Variants in TSPAN18 observed in about 807,000 individuals in gnomAD.
TSPAN18 encodes tetraspanin 18.
TSPAN18 carries 14 observed loss-of-function variants against 27.3 expected under a neutral mutation model. The ratio of observed to expected loss-of-function variants is 0.51; its 90% CI spans 0.34 to 0.80. The LOEUF (loss-of-function observed/expected upper bound fraction) is 0.80, where lower values mean the gene tolerates loss of function less well. Ranked by LOEUF, TSPAN18 falls within the 30% of genes least tolerant of loss-of-function variation. The pLI is 0.01. For synonymous variants in TSPAN18, 143 were observed against 136.5 expected, an observed-to-expected ratio of 1.05 and a Z score of -0.33; for missense variants, 268 against 323.9, an observed-to-expected ratio of 0.83 and a Z score of 1.32.
chr11:44,908,758 G>GAAAGAAAAGAAAGAA (rs1554938001), intron 4 of TSPAN18, among the ~76,000 whole-genome samples: 1 of 61,900 alleles, frequency 1.6e-5, no homozygotes, highest in South Asian at 5.0e-4. Context: ...GAGAGAGAGA[G>GAAAGAAAAGAAAGAA]AGAGAGAAAG....
At chr11:44,918,330 G>A (rs983235549) in intron 6 of TSPAN18, among the ~76,000 whole-genome samples, 2 of 152,114 alleles carry the variant, frequency 1.3e-5, no homozygotes, top group African/African-American at 4.8e-5. Flanking sequence ...GCCTAGTAAC[G>A]GCCCAGTGAT....
chr11:44,840,772 C>A (rs1857357032), intron 2 of TSPAN18, among the ~76,000 whole-genome samples: 1 of 152,180 alleles, frequency 6.6e-6, no homozygotes, highest in South Asian at 2.1e-4. Flanking sequence ...AGAAAAGCAC[C>A]ATCTAGAGAG....
At chr11:44,794,861 A>G (rs972449404) in intron 2 of TSPAN18, among the ~76,000 whole-genome samples, 2 of 152,186 alleles carry the variant, frequency 1.3e-5, no homozygotes, top group Admixed American at 1.3e-4. Context: ...GAATGAATGT[A>G]TGTGACTAAC....
At chr11:44,805,296 C>A (rs575290787) in intron 2 of TSPAN18, among the ~76,000 whole-genome samples, 63 of 152,310 alleles carry the variant, frequency 4.1e-4, no homozygotes, top group African/African-American at 1.4e-3. Context: ...GGAGAACGTA[C>A]AGAGGGATGT....
At chr11:44,765,474 C>T (rs552729174) in intron 2 of TSPAN18, among the ~76,000 whole-genome samples, 8 of 152,284 alleles carry the variant, frequency 5.3e-5, no homozygotes, top group African/African-American at 1.9e-4. Flanking sequence ...AGAAGAGAAA[C>T]CAGCAATATG....
chr11:44,867,240 A>G (rs968819428), intron 3 of TSPAN18, among the ~76,000 whole-genome samples: 3 of 152,066 alleles, frequency 2.0e-5, no homozygotes, highest in African/African-American at 7.2e-5. Flanking sequence ...CAAGCCCTCC[A>G]GGAGATTCTG....
intron 8 of TSPAN18, among the ~76,000 whole-genome samples, chr11:44,920,568 T>C (rs1292504310): frequency 1.3e-5 from 2 of 152,082 alleles, no homozygotes; most frequent in East Asian, 3.9e-4. Context: ...GCGCCTGGCT[T>C]TGTGTGCCTC....
intron 3 of TSPAN18, among the ~76,000 whole-genome samples, chr11:44,885,032 A>G (rs989378457): frequency 6.6e-6 from 1 of 152,208 alleles, no homozygotes; most frequent in African/African-American, 2.4e-5. Context: ...CCAGTTGTCC[A>G]CGTGCTCTCT....
At chr11:44,909,295 T>C (rs1275137638) in intron 4 of TSPAN18, among the ~76,000 whole-genome samples, 3 of 152,010 alleles carry the variant, frequency 2.0e-5, no homozygotes, top group Non-Finnish European at 4.4e-5. Context: ...GCGACCAAAC[T>C]CTGACTCTGC....
At chr11:44,915,179 A>T (rs565356561) in intron 5 of TSPAN18, among the ~76,000 whole-genome samples, 4 of 152,328 alleles carry the variant, frequency 2.6e-5, no homozygotes, top group Admixed American at 2.6e-4. Context: ...GGGACCTGCC[A>T]GTGGCTCCAG....
intron 3 of TSPAN18, among the ~76,000 whole-genome samples, chr11:44,900,231 C>T (rs1303723843): frequency 6.6e-6 from 1 of 152,196 alleles, no homozygotes; most frequent in Admixed American, 6.5e-5. Flanking sequence ...CAGGCAAGCC[C>T]TGGTCTCTAG....
chr11:44,749,774 C>A (rs1366766804), intron 1 of TSPAN18, among the ~76,000 whole-genome samples: 5 of 151,712 alleles, frequency 3.3e-5, no homozygotes, highest in Admixed American at 1.3e-4. Flanking sequence ...GTAGCTGGGA[C>A]TACAGGTGCC....
At chr11:44,869,056 G>A (rs1271757717) in intron 3 of TSPAN18, among the ~76,000 whole-genome samples, 1 of 152,222 alleles carries the variant, frequency 6.6e-6, no homozygotes, top group Non-Finnish European at 1.5e-5. Flanking sequence ...TGCCCACTAG[G>A]CGTTCCCTTA....
intron 2 of TSPAN18, among the ~76,000 whole-genome samples, chr11:44,810,610 T>TC (rs1856692596): frequency 6.6e-6 from 1 of 151,386 alleles, no homozygotes; most frequent in Non-Finnish European, 1.5e-5. Context: ...TTTTCTTTTT[T>TC]TTTTTTTTTG....
At chr11:44,882,307 C>T (rs1384615751) in intron 3 of TSPAN18, among the ~76,000 whole-genome samples, 1 of 152,154 alleles carries the variant, frequency 6.6e-6, no homozygotes, top group African/African-American at 2.4e-5. Context: ...AACACCTACC[C>T]GTTCTTCCTT....
At chr11:44,841,639 C>T (rs187836927) in intron 2 of TSPAN18, among the ~76,000 whole-genome samples, 35 of 152,276 alleles carry the variant, frequency 2.3e-4, no homozygotes, top group African/African-American at 8.2e-4. Context: ...GACCCTTGGG[C>T]TGGTGCCCTA....
At chr11:44,777,127 G>A (rs945378124) in intron 2 of TSPAN18, among the ~76,000 whole-genome samples, 2 of 152,236 alleles carry the variant, frequency 1.3e-5, no homozygotes, top group Non-Finnish European at 2.9e-5. Context: ...GGCCCCTGAA[G>A]TAGGGTACCC....
chr11:44,767,219 C>G (rs1465100803), intron 2 of TSPAN18, among the ~76,000 whole-genome samples: 1 of 152,208 alleles, frequency 6.6e-6, no homozygotes, highest in Admixed American at 6.5e-5. Context: ...AGCAGTTCAT[C>G]CCAAGCCTCT....
At chr11:44,884,407 G>A (rs1264693661) in intron 3 of TSPAN18, among the ~76,000 whole-genome samples, 1 of 152,194 alleles carries the variant, frequency 6.6e-6, no homozygotes, top group African/African-American at 2.4e-5. Flanking sequence ...GTACAGGGGT[G>A]GGGGTAGAGG....
Sources: gnomAD v4.1 joint callset for allele counts (sites outside exome capture counted in the v4.1 genomes callset) on GRCh38, gnomAD v4.1.1 for gene constraint, MANE v1.5 for transcripts, NCBI Gene and HGNC (gene_info 2026-07-23, HGNC 2026-07-21) for gene names.